The following SPOCK3 variants were observed in gnomAD, a reference collection of about 807,000 sequenced individuals.
SPOCK3 encodes the protein SPARC (osteonectin), cwcv and kazal like domains proteoglycan 3.
A neutral mutation model predicts 56.6 loss-of-function variants in SPOCK3; 30 were observed. The observed-to-expected ratio is 0.53, with a 90% CI of 0.40 to 0.72. SPOCK3 has a LOEUF of 0.72. SPOCK3 is among the 30% of genes least tolerant of loss of function. The pLI is 0.00. For synonymous variants in SPOCK3, 196 were observed against 183.3 expected (o/e 1.07, Z -0.56); for missense variants, 527 against 530.0 (o/e 0.99, Z 0.06).
At position 166,754,563 on chromosome 4, in the gene SPOCK3, G is replaced by A. The variant is rs757959564; in HGVS notation, c.876C>T (p.Tyr292=). 2 of 1,613,540 alleles carry A rather than the reference G, an allele frequency of 1.2e-6. No individual in the cohort carries two copies. The highest frequency in any genetic ancestry group is 1.7e-6 in the Non-Finnish European group (2 of 1,179,676). Residue 292 remains tyrosine (Y), a synonymous_variant, in exon 8 of 11, where the codon TAC becomes TAT. Coordinates refer to ENST00000357545, the MANE Select transcript of SPOCK3 (RefSeq NM_001040159.2). ...CATTATTAGATATTAAACTGTCCTT[G>A]TATGTGTCACAAGAATTGAAGAATG... ...TKAFFNSCDT[Y]KDSLISNNEW...
At position 166,912,724 on chromosome 4, in the gene SPOCK3, C is replaced by G; in HGVS notation, c.370G>C (p.Asp124His). 2.5e-6 allele frequency: 4 copies of G among 1,604,976 alleles called. No homozygotes were observed. The highest frequency in any genetic ancestry group is 3.4e-6 in the Non-Finnish European group (4 of 1,177,114). Residue 124 changes from aspartate (D) to histidine (H), a missense_variant, in exon 5 of 11, where the codon GAC (aspartate) becomes CAC (histidine). Transcript: ENST00000357545. Reference protein sequence around the residue: ...LTHRMKEAGVDHRQWRGPILS... With the variant: ...LTHRMKEAGVHHRQWRGPILS... The stretch of plus-strand genomic sequence containing the variant: ...ATGGGACCCCTCCACTGCCTATGGT[C>G]TACTCCTGCTTCTTTCATCCTGTTA...
intron 2 of SPOCK3, among the ~76,000 whole-genome samples, chr4:167,165,313 C>G (rs1428992879): frequency 1.3e-5 from 2 of 152,046 alleles, no homozygotes; most frequent in African/African-American, 4.8e-5. Flanking sequence ...ATCTACTCAT[C>G]TGACAAAGAT....
At chr4:166,956,220 T>TAC (rs70957803) in intron 4 of SPOCK3, among the ~76,000 whole-genome samples, 7,866 of 149,710 alleles carry the variant, frequency 0.053, 216 homozygotes, top group Non-Finnish European at 0.069. Flanking sequence ...ACCACACACA[T>TAC]ACACACACAC....
Position 166,912,631 on chromosome 4 carries a change from A to G in SPOCK3, c.463T>C (p.Tyr155His), listed in dbSNP as rs1468606604. ...SPVCGSDGHT[Y>H]SFQCKLEYQA... ...GTAGGTGTCTTTACCTGAAAAGAGT[A>G]GGTATGACCATCTGAACCACAAACA... Residue 155 changes from tyrosine (Y) to histidine (H), a missense_variant, in exon 5 of 11, where the codon TAC becomes CAC. Physicochemically the swap from Tyr to His is moderately conservative, Grantham distance 83 (BLOSUM62 2). Coordinates refer to ENST00000357545, the MANE Select transcript of SPOCK3 (RefSeq NM_001040159.2). 4 of 1,613,700 alleles carry G rather than the reference A, an allele frequency of 2.5e-6. No individual in the cohort carries two copies. Among genetic ancestry groups the G allele is most frequent in the Admixed American group, 1.7e-5 (1 of 59,966 alleles).
At position 166,878,203 on chromosome 4, in the gene SPOCK3, C is replaced by T. The variant is rs141084004; in HGVS notation, c.589+10927G>A. Among the ~76,000 whole-genome samples, 470 of 152,192 alleles carry T rather than the reference C, an allele frequency of 3.1e-3. 2 individuals carry two copies. Among genetic ancestry groups the T allele is most frequent in the African/African-American group, 0.01 (436 of 41,546 alleles). ...CTGAGGCAGGAGAATTGCTTGAACCCGGGTGGCGAAGGTTGCAGTGGGCCG... is the reference window on the plus strand; with the variant it reads ...CTGAGGCAGGAGAATTGCTTGAACCTGGGTGGCGAAGGTTGCAGTGGGCCG... On this transcript the variant is annotated intron_variant, in intron 6 of 10. Transcript: ENST00000357545.
At chr4:167,157,124 T>C (rs147132936) in intron 2 of SPOCK3, among the ~76,000 whole-genome samples, 22 of 152,162 alleles carry the variant, frequency 1.4e-4, no homozygotes, top group Admixed American at 2.6e-4. Context: ...CAAGTTCTGC[T>C]TTAACAATCT....
At chr4:166,957,399 C>A (rs780022286) in intron 4 of SPOCK3, among the ~76,000 whole-genome samples, 11 of 152,226 alleles carry the variant, frequency 7.2e-5, no homozygotes, top group Non-Finnish European at 1.5e-4. Flanking sequence ...TCTCAAAGTA[C>A]ACTTCCCTTT....
chr4:166,930,420 G>A (rs1427902298), intron 4 of SPOCK3, among the ~76,000 whole-genome samples: 1 of 151,866 alleles, frequency 6.6e-6, no homozygotes, highest in African/African-American at 2.4e-5. Context: ...TAAGCAACAA[G>A]TGTATTTTTG....
Position 167,189,951 on chromosome 4 carries a change from C to T in SPOCK3, c.189+44034G>A, listed in dbSNP as rs913408358. ...TCCTCCAGTTTCATTCATGTTGTCACCTATGAAAATATTTCCTCTTTTTGG... is the reference window on the plus strand; with the variant it reads ...TCCTCCAGTTTCATTCATGTTGTCATCTATGAAAATATTTCCTCTTTTTGG... On this transcript the variant is annotated intron_variant, in intron 2 of 10. Transcript: ENST00000357545. Among the ~76,000 whole-genome samples, 14 of 145,776 alleles carry T rather than the reference C, an allele frequency of 9.6e-5. 1 individual carries two copies. Among genetic ancestry groups the T allele is most frequent in the Non-Finnish European group, 1.9e-4 (13 of 66,786 alleles).
chr4:167,065,665 TTTAAA>T (rs1264812073), intron 2 of SPOCK3, among the ~76,000 whole-genome samples: 1 of 151,904 alleles, frequency 6.6e-6, no homozygotes, highest in Non-Finnish European at 1.5e-5. Flanking sequence ...ACTTGTTTTC[TTTAAA>T]TTAAAACAAA....
chr4:167,112,499 A>G (rs998461393), intron 2 of SPOCK3, among the ~76,000 whole-genome samples: 1 of 152,158 alleles, frequency 6.6e-6, no homozygotes, highest in African/African-American at 2.4e-5. Flanking sequence ...AGTAAGATCC[A>G]GGACTCTTGC....
chr4:166,928,581 C>T (rs1471986989), intron 4 of SPOCK3, among the ~76,000 whole-genome samples: 2 of 152,126 alleles, frequency 1.3e-5, no homozygotes, highest in Non-Finnish European at 2.9e-5. Flanking sequence ...TGGAGTGAAA[C>T]TACTCTGTAT....
At chr4:166,737,705 A>G in intron 9 of SPOCK3, 101 bp from the exon 10 acceptor site, 2 of 1,264,110 alleles carry the variant, frequency 1.6e-6, no homozygotes, top group Non-Finnish European at 1.1e-6. Flanking sequence ...TGCATTAAAG[A>G]CTTACACATA....
chr4:167,139,738 C>T (rs1287848461), intron 2 of SPOCK3, among the ~76,000 whole-genome samples: 1 of 151,810 alleles, frequency 6.6e-6, no homozygotes, highest in East Asian at 1.9e-4. Flanking sequence ...TTTACAAAAC[C>T]ATTTCCATTC....
intron 3 of SPOCK3, among the ~76,000 whole-genome samples, chr4:167,046,707 G>A (rs141910292): frequency 0.021 from 3,250 of 151,496 alleles, 52 homozygotes; most frequent in Non-Finnish European, 0.032. Flanking sequence ...CACCCACCTC[G>A]GCCTCCCAAA....
intron 4 of SPOCK3, among the ~76,000 whole-genome samples, chr4:166,955,540 A>C (rs1743315772): frequency 6.9e-6 from 1 of 144,218 alleles, no homozygotes; most frequent in African/African-American, 2.6e-5. Flanking sequence ...TAAATTTAAT[A>C]TTATTAAATT....
chr4:167,233,094 A>T (rs374933562), intron 2 of SPOCK3, among the ~76,000 whole-genome samples: 94 of 152,306 alleles, frequency 6.2e-4, no homozygotes, highest in African/African-American at 2.2e-3. Flanking sequence ...TATTCAGCCA[A>T]CAGGGCGGCC....
At chr4:166,745,942 C>T (rs187772731) in intron 8 of SPOCK3, among the ~76,000 whole-genome samples, 233 of 152,200 alleles carry the variant, frequency 1.5e-3, no homozygotes, top group Middle Eastern at 6.8e-3. Flanking sequence ...GCTAACTATC[C>T]TAAATATATA....
intron 5 of SPOCK3, among the ~76,000 whole-genome samples, chr4:166,908,164 A>G (rs779810569): frequency 3.3e-5 from 5 of 152,046 alleles, no homozygotes; most frequent in South Asian, 2.1e-4. Context: ...GAAAAAATAA[A>G]TGACAGAAAG....
Sources: allele counts gnomAD v4.1 joint callset (sites outside exome capture counted in the v4.1 genomes callset), GRCh38; gene constraint gnomAD v4.1.1; transcripts MANE v1.5; gene names NCBI Gene and HGNC (gene_info 2026-07-23, HGNC 2026-07-21).